Variants in FIGN observed in about 807,000 individuals in gnomAD.
The protein encoded by FIGN is fidgetin.
In FIGN, 11 loss-of-function variants were observed where a neutral mutation model predicts 51.3. The ratio of observed to expected loss-of-function variants is 0.21; its 90% confidence interval spans 0.13 to 0.35. The LOEUF is 0.35. Ranked by LOEUF, FIGN falls within the 10% of genes least tolerant of loss-of-function variation. The pLI is 1.00. For missense variants in FIGN, 857 were observed against 943.6 expected, an observed-to-expected ratio of 0.91 and a Z score of 1.20; for synonymous variants, 407 against 363.2, an observed-to-expected ratio of 1.12 and a Z score of -1.37.
intron 2 of FIGN, among the ~76,000 whole-genome samples, chr2:163,680,348 A>G (rs151156486): frequency 6.6e-6 from 1 of 152,232 alleles, no homozygotes; most frequent in East Asian, 1.9e-4. Flanking sequence ...GATTCTTGCT[A>G]TCATGGTATA....
chr2:163,724,555 A>C (rs770933339), intron 2 of FIGN, among the ~76,000 whole-genome samples: 7 of 152,120 alleles, frequency 4.6e-5, no homozygotes, highest in Admixed American at 1.3e-4. Context: ...TAGTTTGGTC[A>C]GGAAGTTATA....
At chr2:163,620,873 G>GTGTA (rs755204205) in intron 2 of FIGN, among the ~76,000 whole-genome samples, 72 of 151,566 alleles carry the variant, frequency 4.8e-4, no homozygotes, top group Middle Eastern at 3.4e-3. Flanking sequence ...GTGTGTGTGT[G>GTGTA]TGTGTGTTCC....
At chr2:163,682,865 T>C (rs1390759974) in intron 2 of FIGN, among the ~76,000 whole-genome samples, 7 of 152,188 alleles carry the variant, frequency 4.6e-5, no homozygotes, top group Non-Finnish European at 8.8e-5. Flanking sequence ...AAAGGGCACA[T>C]TTTAGCTATA....
chr2:163,672,172 T>G (rs1683886880), intron 2 of FIGN, among the ~76,000 whole-genome samples: 1 of 152,096 alleles, frequency 6.6e-6, no homozygotes, highest in Admixed American at 6.5e-5. Flanking sequence ...CTCTGTCCAT[T>G]TTTTCCCCTC....
intron 2 of FIGN, among the ~76,000 whole-genome samples, chr2:163,660,738 CATATATATGTATACACATATACAT>C (rs1559012303): frequency 9.9e-6 from 1 of 100,712 alleles, no homozygotes; most frequent in African/African-American, 3.9e-5. Context: ...TACACATATA[CATATATATGTATACACATATACAT>C]ATATATGTAT....
intron 2 of FIGN, among the ~76,000 whole-genome samples, chr2:163,703,431 A>T (rs1374847791): frequency 6.6e-6 from 1 of 152,148 alleles, no homozygotes; most frequent in Non-Finnish European, 1.5e-5. Flanking sequence ...AGAGGAATTA[A>T]AACAGTGATT....
intron 2 of FIGN, among the ~76,000 whole-genome samples, chr2:163,668,223 C>T (rs1173621125): frequency 6.6e-6 from 1 of 151,964 alleles, no homozygotes; most frequent in East Asian, 1.9e-4. Context: ...TTTAAAGACA[C>T]CATGGGGCTA....
intron 2 of FIGN, among the ~76,000 whole-genome samples, chr2:163,704,047 G>A (rs1214394785): frequency 6.6e-6 from 1 of 152,016 alleles, no homozygotes; most frequent in Non-Finnish European, 1.5e-5. Flanking sequence ...GGAAAAAAAA[G>A]TCTGTGTTCC....
At chr2:163,638,998 C>A (rs1415912489) in intron 2 of FIGN, among the ~76,000 whole-genome samples, 1 of 152,082 alleles carries the variant, frequency 6.6e-6, no homozygotes, top group Non-Finnish European at 1.5e-5. Context: ...TTTTACAGAT[C>A]TCAGAAAGTA....
rs140327557 is a variant in FIGN at position 163,609,748 on chromosome 2, T to C, written c.2084A>G (p.His695Arg). The change falls in exon 3 of 3, where the codon CAT becomes CGT. Residue 695 changes from histidine to arginine, a missense_variant. His to Arg is a conservative substitution (Grantham distance 29, BLOSUM62 0). Around this residue, in one of 3 missense-constraint regions of FIGN, gnomAD observed 799 missense variants for 849.5 expected, o/e 0.94. Transcript: ENST00000333129. ...TEGFSGLDVA[H>R]LCQEAVVGPL... is the part of the protein sequence containing the mutation. ...GCCCACCACTGCTTCCTGACACAAATGAGCCACATCTAGTCCAGAAAAGCC... is the reference window on the plus strand; with the variant it reads ...GCCCACCACTGCTTCCTGACACAAACGAGCCACATCTAGTCCAGAAAAGCC... 2.5e-5 allele frequency: 41 copies of C among 1,614,098 alleles called. No homozygotes were observed. Among genetic ancestry groups the C allele is most frequent in the East Asian group, 6.7e-5 (3 of 44,848 alleles).
chr2:163,693,995 T>A (rs1684277138), intron 2 of FIGN, among the ~76,000 whole-genome samples: 3 of 152,188 alleles, frequency 2.0e-5, no homozygotes, highest in Non-Finnish European at 4.4e-5. Flanking sequence ...TGTAAACAAG[T>A]CTTTCTCTCT....
At position 163,611,727 on chromosome 2, in the gene FIGN, A is replaced by G. The variant is rs762187812; in HGVS notation, c.105T>C (p.Pro35=). ...CTCTGTAGGCTTCAACTTTGTGGGC[A>G]GGAGACCGAGTGGTTGAGGTGATGT... ...HFDITSTTRS[P]AHKVEAYRGH... Residue 35 remains proline (P), a synonymous_variant, in exon 3 of 3, where the codon CCT becomes CCC. Coordinates refer to ENST00000333129, the MANE Select transcript of FIGN (RefSeq NM_018086.4). 1 of 1,614,182 alleles carries G rather than the reference A, an allele frequency of 6.2e-7. No individual in the cohort carries two copies. The highest frequency in any genetic ancestry group is 8.5e-7 in the Non-Finnish European group (1 of 1,180,002).
At chr2:163,650,629 GA>G (rs1472962788) in intron 2 of FIGN, among the ~76,000 whole-genome samples, 1 of 151,898 alleles carries the variant, frequency 6.6e-6, no homozygotes, top group African/African-American at 2.4e-5. Flanking sequence ...TTATGAGTGA[GA>G]ACATCGATGT....
chr2:163,695,375 T>C (rs1331380466), intron 2 of FIGN, among the ~76,000 whole-genome samples: 2 of 152,156 alleles, frequency 1.3e-5, no homozygotes, highest in Non-Finnish European at 2.9e-5. Flanking sequence ...CTCTAGCTCA[T>C]GTAAAATGCA....
chr2:163,614,799 C>T (rs1348113308), intron 2 of FIGN, among the ~76,000 whole-genome samples: 2 of 151,904 alleles, frequency 1.3e-5, no homozygotes, highest in South Asian at 4.1e-4. Context: ...TACTTTTTAA[C>T]TCAAATGAAA....
chr2:163,707,649 G>A (rs2105354611), intron 2 of FIGN, among the ~76,000 whole-genome samples: 2 of 152,104 alleles, frequency 1.3e-5, no homozygotes, highest in Middle Eastern at 6.8e-3. Flanking sequence ...AGATTTCCAA[G>A]AATGCAGGCC....
intron 2 of FIGN, among the ~76,000 whole-genome samples, chr2:163,705,515 T>C (rs879621367): frequency 1.3e-5 from 2 of 152,142 alleles, no homozygotes; most frequent in Non-Finnish European, 2.9e-5. Context: ...AACTAAATTC[T>C]TAAAATTTTA....
At chr2:163,643,954 A>AAAAAAAAAAAAAAAAAC in intron 2 of FIGN, among the ~76,000 whole-genome samples, 1 of 148,260 alleles carries the variant, frequency 6.7e-6, no homozygotes, top group African/African-American at 2.5e-5. Flanking sequence ...AAAAAAAAAA[A>AAAAAAAAAAAAAAAAAC]AAAAGTCAGA....
chr2:163,687,022 C>T (rs1365843300), intron 2 of FIGN, among the ~76,000 whole-genome samples: 3 of 152,124 alleles, frequency 2.0e-5, no homozygotes, highest in African/African-American at 7.2e-5. Flanking sequence ...TACACACACA[C>T]ACACACACAC....
Sources: gnomAD v4.1 joint callset for allele counts (sites outside exome capture counted in the v4.1 genomes callset) on GRCh38, gnomAD v4.1.1 for gene constraint, gnomAD v4.1.1 regional missense constraint, MANE v1.5 for transcripts, NCBI Gene and HGNC (gene_info 2026-07-23, HGNC 2026-07-21) for gene names.